The following ANO1 variants were observed in gnomAD, a reference collection of about 807,000 sequenced individuals.
ANO1 encodes anoctamin 1, also known as anoctamin-1.
In ANO1, 59 loss-of-function variants were observed where a neutral mutation model predicts 124.0. The observed-to-expected ratio is 0.48, with a 90% CI of 0.39 to 0.59. The LOEUF (loss-of-function observed/expected upper bound fraction) is 0.59, where lower values mean the gene tolerates loss of function less well. ANO1 is among the 20% of genes least tolerant of loss of function. The pLI is 0.00. For synonymous variants in ANO1, 529 were observed against 532.0 expected (o/e 0.99, Z 0.08); for missense variants, 1,059 against 1,328.0 (o/e 0.80, Z 3.15).
chr11:70,159,168 C>G (rs113961954), intron 16 of ANO1, among the ~76,000 whole-genome samples: 13 of 152,284 alleles, frequency 8.5e-5, no homozygotes, highest in African/African-American at 2.9e-4. Context: ...AGTGGGTCCC[C>G]TCTTGGTCAC....
At chr11:70,116,436 C>T (rs1395442542) in intron 7 of ANO1, 22 bp from the exon 8 acceptor site, 1 of 1,589,142 alleles carries the variant, frequency 6.3e-7, no homozygotes, top group East Asian at 2.3e-5. Flanking sequence ...ATAAGAACGT[C>T]CCTTTCCTCT....
At chr11:70,004,025 C>T (rs1323873608) in intron 1 of ANO1, among the ~76,000 whole-genome samples, 1 of 152,158 alleles carries the variant, frequency 6.6e-6, no homozygotes, top group Non-Finnish European at 1.5e-5. Flanking sequence ...CAGCCTGAGG[C>T]ACTTTTCCTC....
chr11:70,095,370 GA>G (rs1488904748), intron 2 of ANO1, among the ~76,000 whole-genome samples: 1 of 30,316 alleles, frequency 3.3e-5, no homozygotes, highest in Non-Finnish European at 7.9e-5. Flanking sequence ...AAGAAAGAAA[GA>G]AAGAAAGAAA....
At position 70,105,159 on chromosome 11, in the gene ANO1, C is replaced by T. The variant is rs1590743554; in HGVS notation, c.693-575C>T. Among the ~76,000 whole-genome samples, 12 of 152,190 alleles carry T rather than the reference C, an allele frequency of 7.9e-5. 1 individual carries two copies. The South Asian group carries it at 1.2e-3, about 16-fold the overall frequency. On this transcript the variant is annotated intron_variant, in intron 4 of 25. Transcript: ENST00000355303. Reference sequence around the variant, plus strand: ...CAGGGCTAAGCTCACCTCCAGGCTCCGTGGAGGTGGAAACTGGCCCAGCCG... The same window carrying T: ...CAGGGCTAAGCTCACCTCCAGGCTCTGTGGAGGTGGAAACTGGCCCAGCCG...
intron 9 of ANO1, among the ~76,000 whole-genome samples, chr11:70,125,124 C>T (rs185398551): frequency 6.6e-5 from 10 of 152,236 alleles, no homozygotes; most frequent in African/African-American, 2.4e-4. Flanking sequence ...AGGTGGATTA[C>T]TTGAGGTCAG....
chr11:70,111,729 T>C lies in ANO1; in HGVS notation c.822T>C (p.Asn274=). 6.2e-7 allele frequency: 1 copy of C among 1,614,052 alleles called. No homozygotes were observed. Among genetic ancestry groups the C allele is most frequent in the East Asian group, 2.2e-5 (1 of 44,892 alleles). The change falls in exon 7 of 26, where the codon AAT becomes AAC. Residue 274 remains asparagine (N), a synonymous_variant. Transcript: ENST00000355303. ...AAGGCATCACGAGCCTGCTGGCCAA[T>C]GGTGTGTACGCGGCTGCATACCCAC... ...YSMGITSLLA[N]GVYAAAYPLH...
intron 11 of ANO1, among the ~76,000 whole-genome samples, chr11:70,145,941 A>AGC (rs2047356681): frequency 8.8e-6 from 1 of 113,240 alleles, no homozygotes; most frequent in Non-Finnish European, 1.9e-5. Flanking sequence ...CTTCTCAAAA[A>AGC]ACAAAAAAAA....
rs1294614482 is a variant in ANO1 at position 70,095,287 on chromosome 11, G to GGAAGGAAGGAAGGAAA, written c.441+7207_441+7222dup. 4.5e-4 allele frequency among the ~76,000 whole-genome samples: 36 copies of GGAAGGAAGGAAGGAAA among 80,696 alleles called. 9 individuals carry two copies. Among genetic ancestry groups the GGAAGGAAGGAAGGAAA allele is most frequent in the African/African-American group, 2.0e-3 (33 of 16,736 alleles). The allele number at this position is 80,696 out of a possible 152,430, so 52.9% of individuals were successfully genotyped here. On this transcript the variant is annotated intron_variant, in intron 2 of 25. Transcript: ENST00000355303. ...AGGAAGGAAGGAAGGAAGGAAGGAA[G>GGAAGGAAGGAAGGAAA]GAAGGAAGGAAGGAAAGAAAGAAAG...
At chr11:70,091,381 A>G (rs2044619228) in intron 2 of ANO1, among the ~76,000 whole-genome samples, 1 of 152,034 alleles carries the variant, frequency 6.6e-6, no homozygotes, top group Non-Finnish European at 1.5e-5. Context: ...TATGACACCC[A>G]CCCCCAAAAT....
intron 1 of ANO1, among the ~76,000 whole-genome samples, chr11:69,998,862 C>T (rs1856325915): frequency 6.6e-6 from 1 of 152,000 alleles, no homozygotes; most frequent in Non-Finnish European, 1.5e-5. Context: ...GCAGGAGACT[C>T]GCTTGAACCC....
Position 70,107,983 on chromosome 11 carries a change from G to T in ANO1, c.748-370G>T, listed in dbSNP as rs142042797. Among the ~76,000 whole-genome samples, 206 of 152,322 alleles carry T rather than the reference G, an allele frequency of 1.4e-3. 2 individuals carry two copies. The highest frequency in any genetic ancestry group is 2.1e-3 in the Non-Finnish European group (141 of 68,030). ...GCTGTTCCAACTCAGCTCTCAGCACGAGGGGACCGTAAATCCACCAGGCAG... is the reference window on the plus strand; with the variant it reads ...GCTGTTCCAACTCAGCTCTCAGCACTAGGGGACCGTAAATCCACCAGGCAG... On this transcript the variant is annotated intron_variant, in intron 5 of 25. Coordinates refer to ENST00000355303, the MANE Select transcript of ANO1 (RefSeq NM_018043.7).
Position 70,126,180 on chromosome 11 carries a change from A to G in ANO1, c.1082A>G (p.Asp361Gly). 6.2e-7 allele frequency: 1 copy of G among 1,612,820 alleles called. No homozygotes were observed. Residue 361 changes from aspartate (D) to glycine (G), a missense_variant, in exon 10 of 26, where the codon GAT becomes GGT. By Grantham distance (94) the Asp-to-Gly change is moderately conservative. Around this residue, in one of 2 missense-constraint regions of ANO1, gnomAD observed 809 missense variants for 1,094.9 expected, o/e 0.74. Coordinates refer to ENST00000355303, the MANE Select transcript of ANO1 (RefSeq NM_018043.7). The stretch of plus-strand genomic sequence containing the variant: ...TTCCTGTACGGATGCGCCACCATGG[A>G]TGAAAACATCCCCAGGTAGGCGGCA... ...IVFLYGCATM[D>G]ENIPSMEMCD...
intron 18 of ANO1, 72 bp downstream of exon 18, chr11:70,161,805 G>A: frequency 4.8e-6 from 7 of 1,460,740 alleles, no homozygotes; most frequent in Non-Finnish European, 4.8e-6. Context: ...CTCCCCACAG[G>A]TTGGGGGCAC....
chr11:70,097,988 G>C (rs2045078527), intron 2 of ANO1, among the ~76,000 whole-genome samples: 1 of 152,210 alleles, frequency 6.6e-6, no homozygotes, highest in South Asian at 2.1e-4. Context: ...GGTCATGAAG[G>C]GCTGACCAGG....
intron 14 of ANO1, among the ~76,000 whole-genome samples, chr11:70,155,696 C>A (rs920787346): frequency 4.6e-5 from 7 of 152,230 alleles, no homozygotes; most frequent in Non-Finnish European, 1.0e-4. Context: ...TCTCCACCAC[C>A]TTTGTTACAG....
At chr11:70,166,862 G>A (rs2048274363) in intron 20 of ANO1, among the ~76,000 whole-genome samples, 1 of 152,154 alleles carries the variant, frequency 6.6e-6, no homozygotes, top group Non-Finnish European at 1.5e-5. Flanking sequence ...AATATCACTG[G>A]AGGCCAGGCG....
chr11:70,078,109 C>T (rs1329294938), upstream of ANO1, among the ~76,000 whole-genome samples: 1 of 152,152 alleles, frequency 6.6e-6, no homozygotes, highest in Non-Finnish European at 1.5e-5. Flanking sequence ...ATTGAAAGTT[C>T]CCCCCTTTCA....
chr11:70,114,231 C>T (rs377742649), intron 7 of ANO1, among the ~76,000 whole-genome samples: 71 of 152,356 alleles, frequency 4.7e-4, no homozygotes, highest in African/African-American at 1.6e-3. Flanking sequence ...CAGGGGCGCA[C>T]AGCCCAGAAG....
chr11:70,098,203 G>T (rs1170075801), intron 2 of ANO1, among the ~76,000 whole-genome samples: 1 of 152,210 alleles, frequency 6.6e-6, no homozygotes, highest in Admixed American at 6.5e-5. Context: ...TCCCCGCAGG[G>T]CTGGGTGTTC....
Sources: allele counts gnomAD v4.1 joint callset (sites outside exome capture counted in the v4.1 genomes callset), GRCh38; gene constraint gnomAD v4.1.1; regional missense constraint gnomAD v4.1.1; transcripts MANE v1.5; gene names NCBI Gene and HGNC (gene_info 2026-07-23, HGNC 2026-07-21).